KLHL28: variants seen among roughly 807,000 people sequenced by gnomAD.
The protein encoded by KLHL28 is kelch like family member 28, also known as kelch-like protein 28.
In KLHL28, 22 loss-of-function variants were observed where a neutral mutation model predicts 48.3. The observed-to-expected ratio is 0.46, with a 90% confidence interval of 0.33 to 0.65. KLHL28 has a LOEUF of 0.65. Ranked by LOEUF, KLHL28 falls within the 30% of genes least tolerant of loss-of-function variation. The pLI is 0.03. For missense variants in KLHL28, 527 were observed against 704.3 expected (o/e 0.75, Z 2.85); for synonymous variants, 243 against 242.4 (o/e 1.00, Z -0.02).
intron 1 of KLHL28, chr14:44,961,561 T>C (rs1374274461): frequency 6.6e-6 from 1 of 150,626 alleles, no homozygotes; most frequent in Non-Finnish European, 1.5e-5. Context: ...GGGAGGCGAA[T>C]AAAGGCCCCA....
At chr14:44,942,049 G>C (rs1884121277) in intron 2 of KLHL28, among the ~76,000 whole-genome samples, 1 of 151,956 alleles carries the variant, frequency 6.6e-6, no homozygotes, top group African/African-American at 2.4e-5. Context: ...GCTCTTCTTT[G>C]AGCTGTGCAC....
chr14:44,929,498 G>A (rs569074667), intron 4 of KLHL28, among the ~76,000 whole-genome samples: 14 of 152,174 alleles, frequency 9.2e-5, no homozygotes, highest in African/African-American at 3.4e-4. Flanking sequence ...TATTATTGTT[G>A]TTGCTAATCT....
chr14:44,946,041 G>C (rs116920413), intron 1 of KLHL28, 113 bp from the exon 2 acceptor site: 6 of 830,642 alleles, frequency 7.2e-6, no homozygotes, highest in Non-Finnish European at 1.1e-5. Context: ...CTGTTCATTG[G>C]TTTTTAAATA....
At chr14:44,935,319 G>A (rs1594568179) in intron 2 of KLHL28, among the ~76,000 whole-genome samples, 1 of 152,108 alleles carries the variant, frequency 6.6e-6, no homozygotes, top group Non-Finnish European at 1.5e-5. Context: ...GAGCTCAAGG[G>A]TGGCTTTTGA....
At position 44,945,517 on chromosome 14, in the gene KLHL28, T is replaced by C. The variant is rs749860556; in HGVS notation, c.412A>G (p.Ile138Val). 2.5e-6 allele frequency: 4 copies of C among 1,614,184 alleles called. No homozygotes were observed. The South Asian group carries it at 4.4e-5, about 18-fold the overall frequency. ...GTTTCTGCAAAACGAGAAATTCCAA[T>C]ACAATTACCAGGATCAAGTTGGCTT... is the stretch of plus-strand genomic sequence containing the variant. ...LESQLDPGNC[I>V]GISRFAETYG... The change falls in exon 2 of 5, where the codon ATT becomes GTT. Residue 138 changes from isoleucine to valine, a missense_variant. Coordinates refer to ENST00000396128, the MANE Select transcript of KLHL28 (RefSeq NM_017658.5).
In KLHL28 at chr14:44,925,240, A is replaced by C. The variant is rs1392188569; in HGVS notation, c.*3788T>G. 6.6e-6 allele frequency: 1 copy of C among 152,156 alleles called. No individual in the cohort carries two copies. The highest frequency in any genetic ancestry group is 1.5e-5 in the Non-Finnish European group (1 of 67,972). 9.4% of individuals were successfully genotyped at this position (152,156 alleles called of 1,614,324 possible). On this transcript the variant is annotated 3_prime_UTR_variant, in exon 5 of 5. Coordinates refer to ENST00000396128, the MANE Select transcript of KLHL28 (RefSeq NM_017658.5). ...GAATCTGATTTTCCTGAAAATGAGC[A>C]CTTAGGTGACAATACCAGGAATCCA... is the stretch of plus-strand genomic sequence containing the variant.
chr14:44,944,984 C>A, intron 2 of KLHL28, 46 bp downstream of exon 2: 3 of 1,307,254 alleles, frequency 2.3e-6, no homozygotes, highest in South Asian at 1.6e-5. Context: ...ATTTAAAAAG[C>A]ATAAAATCAA....
At chr14:44,930,344 C>T (rs1275737904) in intron 4 of KLHL28, among the ~76,000 whole-genome samples, 1 of 152,034 alleles carries the variant, frequency 6.6e-6, no homozygotes, top group East Asian at 1.9e-4. Context: ...GGCTAGAGTG[C>T]AGTGGCGCGA....
At chr14:44,933,855 T>G (rs2138588934) in intron 3 of KLHL28, among the ~76,000 whole-genome samples, 1 of 152,326 alleles carries the variant, frequency 6.6e-6, no homozygotes, top group Non-Finnish European at 1.5e-5. Context: ...TCTAACTTCA[T>G]CTTATTTTTA....
At chr14:44,932,770 A>G (rs1363460223) in intron 3 of KLHL28, among the ~76,000 whole-genome samples, 1 of 152,204 alleles carries the variant, frequency 6.6e-6, no homozygotes, top group Non-Finnish European at 1.5e-5. Context: ...TATCTTACAA[A>G]TTTTGGGCAG....
At chr14:44,958,506 A>G (rs1485356655) in intron 1 of KLHL28, among the ~76,000 whole-genome samples, 1 of 152,156 alleles carries the variant, frequency 6.6e-6, no homozygotes, top group Non-Finnish European at 1.5e-5. Flanking sequence ...TCTTTCCTAC[A>G]GTTCAACTTT....
chr14:44,927,957 T>C lies in KLHL28; in HGVS notation c.*1071A>G, dbSNP rs760437512. On this transcript the variant is annotated 3_prime_UTR_variant, in exon 5 of 5. Transcript: ENST00000396128. The stretch of plus-strand genomic sequence containing the variant: ...TTCTGATGATTTTTGGATGTTAACA[T>C]TGGCGTAATCACTAACATTTTTAAT... 30 of 152,656 alleles carry C rather than the reference T, an allele frequency of 2.0e-4. No homozygotes were observed. The highest frequency in any genetic ancestry group is 5.3e-4 in the African/African-American group (22 of 41,568). 9.5% of individuals were successfully genotyped at this position (152,656 alleles called of 1,614,324 possible).
chr14:44,930,538 ACAG>A (rs1367311648), intron 4 of KLHL28, among the ~76,000 whole-genome samples: 1 of 152,214 alleles, frequency 6.6e-6, no homozygotes, highest in Non-Finnish European at 1.5e-5. Context: ...TGCTAGGATT[ACAG>A]GTGTGAGCCA....
rs879751917 is a variant in KLHL28, at chr14:44,932,003, CT to C, written c.1344-463del. On this transcript the variant is annotated intron_variant, in intron 3 of 4. Coordinates refer to ENST00000396128, the MANE Select transcript of KLHL28 (RefSeq NM_017658.5). ...TTGAAAACCACTAACTGAATACAGA[CT>C]TTTTTTTTTTGTTCCTAAATTTTAT... is the stretch of plus-strand genomic sequence containing the variant. Among the ~76,000 whole-genome samples the C allele has an allele frequency of 7.0e-3, 1,016 of 144,414 alleles. 10 individuals are homozygous for C. Among genetic ancestry groups the C allele is most frequent in the African/African-American group, 0.022 (864 of 39,722 alleles). The allele number at this position is 144,414 out of a possible 152,430, so 94.7% of individuals were successfully genotyped here.
In KLHL28 at chr14:44,928,844, T is replaced by C. The variant is rs989754276; in HGVS notation, c.*184A>G. On this transcript the variant is annotated 3_prime_UTR_variant, in exon 5 of 5. Transcript: ENST00000396128. Reference sequence around the variant, plus strand: ...TTTTTCTTTTTGATTATTGATTTACTGTGTAATCAAGAGCAACCAAAACTA... The same window carrying C: ...TTTTTCTTTTTGATTATTGATTTACCGTGTAATCAAGAGCAACCAAAACTA... 1.5e-5 allele frequency: 7 copies of C among 467,902 alleles called. No homozygotes were observed. Among genetic ancestry groups the C allele is most frequent in the Non-Finnish European group, 2.3e-5 (6 of 264,604 alleles). The allele number at this position is 467,902 out of a possible 1,614,324, so 29.0% of individuals were successfully genotyped here.
At chr14:44,953,466 T>C (rs1255085409) in intron 1 of KLHL28, among the ~76,000 whole-genome samples, 2 of 152,236 alleles carry the variant, frequency 1.3e-5, no homozygotes, top group African/African-American at 2.4e-5. Context: ...GATCCACTTA[T>C]GGATTAATGA....
chr14:44,929,285 A>T, intron 4 of KLHL28, 94 bp from the exon 5 acceptor site: 2 of 1,109,472 alleles, frequency 1.8e-6, no homozygotes, highest in South Asian at 3.3e-5. Context: ...ATGTTTTATT[A>T]AAATACATTT....
At chr14:44,930,855 C>T (rs1023801320) in intron 4 of KLHL28, among the ~76,000 whole-genome samples, 11 of 152,120 alleles carry the variant, frequency 7.2e-5, no homozygotes, top group African/African-American at 1.7e-4. Flanking sequence ...TTTCCTAAAC[C>T]ACAAAAGTGG....
intron 4 of KLHL28, 62 bp from the exon 5 acceptor site, chr14:44,929,253 C>T: frequency 1.2e-5 from 16 of 1,353,732 alleles, no homozygotes; most frequent in Non-Finnish European, 1.6e-5. Flanking sequence ...CTTTTTCTCA[C>T]TAAAAATAAA....
Sources: allele counts gnomAD v4.1 joint callset (sites outside exome capture counted in the v4.1 genomes callset), GRCh38; gene constraint gnomAD v4.1.1; transcripts MANE v1.5; gene names NCBI Gene and HGNC (gene_info 2026-07-23, HGNC 2026-07-21).